Variants in AGK observed in about 807,000 individuals in gnomAD.
AGK encodes the protein acylglycerol kinase, also known as acylglycerol kinase, mitochondrial.
In AGK, 52 loss-of-function variants were observed where a neutral mutation model predicts 66.4. The observed-to-expected ratio is 0.78, with a 90% CI of 0.63 to 0.99. AGK has a LOEUF of 0.99. Ranked by LOEUF, AGK falls within the 50% of genes least tolerant of loss-of-function variation. The probability of loss-of-function intolerance (pLI) is 0.00; values close to 1 mark genes in which losing one functional copy is unlikely to be tolerated. For missense variants in AGK, 451 were observed against 506.6 expected, an observed-to-expected ratio of 0.89 and a Z score of 1.05; for synonymous variants, 182 against 181.1, an observed-to-expected ratio of 1.00 and a Z score of -0.04.
intron 5 of AGK, among the ~76,000 whole-genome samples, chr7:141,606,034 C>T (rs1238335336): frequency 6.6e-6 from 1 of 152,144 alleles, no homozygotes; most frequent in Non-Finnish European, 1.5e-5. Context: ...AGGTCACACT[C>T]CCTAGATATA....
rs868431923 is a variant in AGK, at chr7:141,641,909, G to A, written c.975+1G>A. ...ACGGAATAATCAGCTTGACCCGACA[G>A]TAAGTGTGCTTTTTTATTAGAAAAG... On this transcript the variant is annotated splice_donor_variant, in intron 13 of 15. Coordinates refer to ENST00000649286, the MANE Select transcript of AGK (RefSeq NM_018238.4). LOFTEE classifies it high-confidence loss of function. 1 of 1,572,318 alleles carries A rather than the reference G, an allele frequency of 6.4e-7. No individual in the cohort carries two copies. The highest frequency in any genetic ancestry group is 8.6e-7 in the Non-Finnish European group (1 of 1,157,298).
At chr7:141,622,904 A>G (rs1269450976) in intron 9 of AGK, among the ~76,000 whole-genome samples, 1 of 151,706 alleles carries the variant, frequency 6.6e-6, no homozygotes. Context: ...AAATACAAAA[A>G]TTAGCTGGGC....
chr7:141,635,127 AG>A (rs1409104929), intron 10 of AGK, among the ~76,000 whole-genome samples: 1 of 152,238 alleles, frequency 6.6e-6, no homozygotes, highest in African/African-American at 2.4e-5. Flanking sequence ...TTAAGCAACA[AG>A]AAAGCACAGT....
At chr7:141,609,036 A>G (rs997942837) in intron 5 of AGK, among the ~76,000 whole-genome samples, 3 of 152,220 alleles carry the variant, frequency 2.0e-5, no homozygotes, top group Admixed American at 1.3e-4. Context: ...TGTAACTATA[A>G]AGCCCATAAT....
Position 141,570,384 on chromosome 7 carries a change from C to CA in AGK, c.101+14825dup, listed in dbSNP as rs985230924. Among the ~76,000 whole-genome samples, 15 of 151,334 alleles carry CA rather than the reference C, an allele frequency of 9.9e-5. 1 individual carries two copies. The South Asian group carries it at 1.7e-3, about 17-fold the overall frequency. On this transcript the variant is annotated intron_variant, in intron 2 of 15. Transcript: ENST00000649286. ...CCTGGGTGACAGAGTGAGACCCTGT[C>CA]AAAAAAAATTACCTATTTTTATTAG... is the stretch of plus-strand genomic sequence containing the variant.
At chr7:141,632,227 G>A (rs1463527964) in intron 9 of AGK, among the ~76,000 whole-genome samples, 4 of 144,246 alleles carry the variant, frequency 2.8e-5, no homozygotes, top group Non-Finnish European at 4.5e-5. Context: ...GTGAAACTCC[G>A]TCTAAAAAAA....
At chr7:141,587,348 G>T (rs1427634453) in intron 2 of AGK, among the ~76,000 whole-genome samples, 1 of 152,144 alleles carries the variant, frequency 6.6e-6, no homozygotes, top group Non-Finnish European at 1.5e-5. Flanking sequence ...TCTGACCAAT[G>T]CCTTCTTCAC....
intron 8 of AGK, among the ~76,000 whole-genome samples, chr7:141,616,883 G>C (rs535470483): frequency 1.3e-5 from 2 of 151,068 alleles, no homozygotes; most frequent in Admixed American, 6.6e-5. Flanking sequence ...CTCAGCCTCC[G>C]AGTAGCTGGG....
intron 8 of AGK, among the ~76,000 whole-genome samples, chr7:141,617,149 A>G (rs1796724166): frequency 6.6e-6 from 1 of 151,934 alleles, no homozygotes; most frequent in Non-Finnish European, 1.5e-5. Context: ...TACATTAGAG[A>G]GCTTGTCTTC....
intron 2 of AGK, among the ~76,000 whole-genome samples, chr7:141,569,664 T>A (rs1246087775): frequency 3.3e-5 from 5 of 152,380 alleles, no homozygotes; most frequent in African/African-American, 1.2e-4. Context: ...AGATGGTTAT[T>A]AATCTCATAC....
chr7:141,618,862 A>G (rs1337861066), intron 8 of AGK, among the ~76,000 whole-genome samples: 1 of 152,196 alleles, frequency 6.6e-6, no homozygotes, highest in Non-Finnish European at 1.5e-5. Context: ...TCCAGACAAA[A>G]TATTTTACTT....
Position 141,596,882 on chromosome 7 carries a change from A to G in AGK, c.221+241A>G, listed in dbSNP as rs1587108733. On this transcript the variant is annotated intron_variant, in intron 4 of 15. Coordinates refer to ENST00000649286, the MANE Select transcript of AGK (RefSeq NM_018238.4). Reference sequence around the variant, plus strand: ...TAATCATTCCATGATTAACACCTACAAAGATGTCTTATTTGCTTGGAAGTA... The same window carrying G: ...TAATCATTCCATGATTAACACCTACGAAGATGTCTTATTTGCTTGGAAGTA... The G allele has an allele frequency of 8.3e-6, 4 of 481,756 alleles. No individual in the cohort carries two copies. The East Asian group carries it at 1.4e-4, about 17-fold the overall frequency. The allele number at this position is 481,756 out of a possible 1,614,324, so 29.8% of individuals were successfully genotyped here.
At chr7:141,642,731 T>G (rs1169436512) in intron 13 of AGK, among the ~76,000 whole-genome samples, 1 of 152,206 alleles carries the variant, frequency 6.6e-6, no homozygotes, top group Non-Finnish European at 1.5e-5. Flanking sequence ...GAAAAATACG[T>G]AAAGTTCAAG....
At chr7:141,610,346 A>G (rs962457892) in intron 5 of AGK, among the ~76,000 whole-genome samples, 4 of 152,164 alleles carry the variant, frequency 2.6e-5, no homozygotes, top group Non-Finnish European at 4.4e-5. Context: ...GTCTATTAGT[A>G]TGTATAGTGT....
At chr7:141,599,224 G>A (rs1796290075) in intron 4 of AGK, 1 of 151,982 alleles carries the variant, frequency 6.6e-6, no homozygotes, top group African/African-American at 2.4e-5. Flanking sequence ...TCATTATGTA[G>A]TACTGGTTTA....
rs541779124 is a variant in AGK at position 141,561,014 on chromosome 7, C to T, written c.101+5447C>T. Among the ~76,000 whole-genome samples, 114 of 152,232 alleles carry T rather than the reference C, an allele frequency of 7.5e-4. 1 individual carries two copies. Among genetic ancestry groups the T allele is most frequent in the South Asian group, 2.3e-3 (11 of 4,820 alleles). ...TTCATCGTGTTAGCCAGGATGGTCTCGATCTCCTGACCTCGTGATCCGCCC... is the reference window on the plus strand; with the variant it reads ...TTCATCGTGTTAGCCAGGATGGTCTTGATCTCCTGACCTCGTGATCCGCCC... On this transcript the variant is annotated intron_variant, in intron 2 of 15. Coordinates refer to ENST00000649286, the MANE Select transcript of AGK (RefSeq NM_018238.4).
rs997452734 is a variant in AGK at position 141,562,250 on chromosome 7, A to C, written c.101+6683A>C. On this transcript the variant is annotated intron_variant, in intron 2 of 15. Transcript: ENST00000649286. Reference sequence around the variant, plus strand: ...TTTTCTCCTTCTCGGGAGCAGTGTTACTCTGTCATGAGTTGCGGTAATGTC... The same window carrying C: ...TTTTCTCCTTCTCGGGAGCAGTGTTCCTCTGTCATGAGTTGCGGTAATGTC... 56 of 447,358 alleles carry C rather than the reference A, an allele frequency of 1.3e-4. No individual in the cohort carries two copies. In the Admixed American group the frequency reaches 1.3e-3, roughly 10 times the overall value. The allele number at this position is 447,358 out of a possible 1,614,324, so 27.7% of individuals were successfully genotyped here.
chr7:141,569,346 C>T (rs1376006219), intron 2 of AGK, among the ~76,000 whole-genome samples: 1 of 151,986 alleles, frequency 6.6e-6, no homozygotes, highest in Non-Finnish European at 1.5e-5. Context: ...CCATCCTGGC[C>T]AACATGGTGA....
chr7:141,590,708 G>T (rs912268516), intron 2 of AGK, among the ~76,000 whole-genome samples: 1 of 152,078 alleles, frequency 6.6e-6, no homozygotes, highest in Non-Finnish European at 1.5e-5. Context: ...AAGATATTTC[G>T]CTAGTTTCTA....
Sources: allele counts gnomAD v4.1 joint callset (sites outside exome capture counted in the v4.1 genomes callset), GRCh38; gene constraint gnomAD v4.1.1; transcripts MANE v1.5; gene names NCBI Gene and HGNC (gene_info 2026-07-23, HGNC 2026-07-21).